SGCD: variants seen among roughly 807,000 people sequenced by gnomAD.
The protein encoded by SGCD is sarcoglycan delta, also known as delta-sarcoglycan.
A neutral mutation model predicts 36.6 loss-of-function variants in SGCD; 18 were observed. The ratio of observed to expected loss-of-function variants is 0.49; its 90% CI spans 0.34 to 0.73. The LOEUF (loss-of-function observed/expected upper bound fraction) is 0.73. SGCD is among the 30% of genes least tolerant of loss of function. The pLI, the probability that SGCD is intolerant of heterozygous loss-of-function variation, is 0.01. For missense variants in SGCD, 387 were observed against 346.7 expected, an observed-to-expected ratio of 1.12 and a Z score of -0.92; for synonymous variants, 133 against 130.6, an observed-to-expected ratio of 1.02 and a Z score of -0.12.
At chr5:156,332,390 G>A (rs1768111198) in intron 2 of SGCD, among the ~76,000 whole-genome samples, 1 of 152,208 alleles carries the variant, frequency 6.6e-6, no homozygotes, top group Admixed American at 6.5e-5. Flanking sequence ...CACAGTGGCT[G>A]GTGGCCTGTG....
chr5:156,717,041 CAT>C (rs1217049671), intron 7 of SGCD, among the ~76,000 whole-genome samples: 5 of 152,212 alleles, frequency 3.3e-5, no homozygotes, highest in African/African-American at 1.2e-4. Flanking sequence ...GATTTCTCCT[CAT>C]GTGTGAAATT....
intron 3 of SGCD, among the ~76,000 whole-genome samples, chr5:156,261,253 T>C (rs903844038): frequency 2.0e-5 from 3 of 152,228 alleles, no homozygotes; most frequent in Admixed American, 6.5e-5. Flanking sequence ...TTAATTCTGA[T>C]TGTATTTGCC....
intron 3 of SGCD, among the ~76,000 whole-genome samples, chr5:156,444,106 CTCTCTCTCT>C (rs1561699354): frequency 3.5e-4 from 38 of 107,096 alleles, no homozygotes; most frequent in African/African-American, 5.7e-4. Context: ...CTCTCTCTCT[CTCTCTCTCT>C]CCCCTTCCCT....
chr5:156,251,776 C>T (rs1276014791), intron 3 of SGCD, among the ~76,000 whole-genome samples: 6 of 152,032 alleles, frequency 3.9e-5, no homozygotes, highest in Non-Finnish European at 8.8e-5. Context: ...GCCCTCCCAA[C>T]GTGCTGGGAT....
chr5:156,520,068 GT>G (rs554323955), intron 4 of SGCD, among the ~76,000 whole-genome samples: 4 of 152,264 alleles, frequency 2.6e-5, no homozygotes, highest in African/African-American at 9.6e-5. Context: ...AAGAGAGGAA[GT>G]CAAACTATCT....
At chr5:156,369,654 A>G (rs1355666391) in intron 3 of SGCD, among the ~76,000 whole-genome samples, 3 of 152,144 alleles carry the variant, frequency 2.0e-5, no homozygotes, top group Admixed American at 6.5e-5. Context: ...GAGGCATTTG[A>G]TAGTAATTAA....
intron 3 of SGCD, among the ~76,000 whole-genome samples, chr5:156,307,758 G>T (rs1767264560): frequency 6.6e-6 from 1 of 151,202 alleles, no homozygotes; most frequent in Admixed American, 6.6e-5. Flanking sequence ...TTTATATCAG[G>T]TTAACTTCAA....
chr5:156,138,025 A>G (rs1335996748), intron 3 of SGCD, among the ~76,000 whole-genome samples: 1 of 152,206 alleles, frequency 6.6e-6, no homozygotes, highest in Non-Finnish European at 1.5e-5. Flanking sequence ...AAGGTACAGC[A>G]TATTTCTCTC....
At chr5:156,735,851 C>T (rs1443176166) in intron 7 of SGCD, among the ~76,000 whole-genome samples, 1 of 152,198 alleles carries the variant, frequency 6.6e-6, no homozygotes, top group Non-Finnish European at 1.5e-5. Flanking sequence ...ACCAGAGTAT[C>T]TAAAGTTCCC....
At position 156,443,172 on chromosome 5, in the gene SGCD, A is replaced by G. The variant is rs754913638; in HGVS notation, c.193-65429A>G. On this transcript the variant is annotated intron_variant, in intron 3 of 8. Coordinates refer to ENST00000337851, the MANE Select transcript of SGCD (RefSeq NM_000337.6). ...GCTAATTTTTGTATTTTCAGTAGAG[A>G]CAGGGTTTCACCGTGTTGGCCAGGC... 3.2e-4 allele frequency among the ~76,000 whole-genome samples: 49 copies of G among 152,168 alleles called. 2 individuals carry two copies. Among genetic ancestry groups the G allele is most frequent in the Admixed American group, 2.6e-4 (4 of 15,282 alleles).
At chr5:155,957,001 G>A (rs765473062) in intron 1 of SGCD, among the ~76,000 whole-genome samples, 2 of 152,064 alleles carry the variant, frequency 1.3e-5, no homozygotes, top group Non-Finnish European at 2.9e-5. Flanking sequence ...GGGCTGCAGT[G>A]TTGCTATCAC....
chr5:156,068,457 A>AT (rs1346320196), intron 1 of SGCD, among the ~76,000 whole-genome samples: 1 of 152,040 alleles, frequency 6.6e-6, no homozygotes, highest in Non-Finnish European at 1.5e-5. Context: ...TGAACTCCTC[A>AT]TTTTTTATGG....
intron 3 of SGCD, among the ~76,000 whole-genome samples, chr5:156,350,924 C>T (rs977939839): frequency 2.0e-5 from 3 of 152,120 alleles, no homozygotes; most frequent in Non-Finnish European, 4.4e-5. Flanking sequence ...GTAAGTAAAA[C>T]GCTGGTGTTT....
chr5:156,558,540 C>T lies in SGCD; in HGVS notation c.295-30691C>T, dbSNP rs970770146. Among the ~76,000 whole-genome samples the T allele has an allele frequency of 5.3e-5, 8 of 152,218 alleles. No homozygotes were observed. In the East Asian group the frequency reaches 1.5e-3, roughly 29 times the overall value. ...TTTTTAAATTCTGTTCTGTGTCAGACACTGACTATACCACTCACCGGGGGT... is the reference window on the plus strand; with the variant it reads ...TTTTTAAATTCTGTTCTGTGTCAGATACTGACTATACCACTCACCGGGGGT... On this transcript the variant is annotated intron_variant, in intron 4 of 8. Transcript: ENST00000337851.
chr5:155,893,431 A>G (rs1487399483), intron 1 of SGCD, among the ~76,000 whole-genome samples: 1 of 152,174 alleles, frequency 6.6e-6, no homozygotes, highest in Admixed American at 6.5e-5. Flanking sequence ...CAACCTTCCA[A>G]ATGTTGAGAA....
chr5:156,180,654 G>T (rs558636254), intron 3 of SGCD, among the ~76,000 whole-genome samples: 1 of 152,244 alleles, frequency 6.6e-6, no homozygotes, highest in Middle Eastern at 3.4e-3. Context: ...GGAGGAAAAG[G>T]CATTCAACAT....
chr5:156,183,845 TATAGTAGCAAGTCAGTGG>T (rs1483142982), intron 3 of SGCD, among the ~76,000 whole-genome samples: 1 of 152,178 alleles, frequency 6.6e-6, no homozygotes, highest in African/African-American at 2.4e-5. Flanking sequence ...CCTCATCTTC[TATAGTAGCAAGTCAGTGG>T]ATGATAGCTA....
At chr5:156,294,820 C>T (rs770664239) in intron 3 of SGCD, among the ~76,000 whole-genome samples, 13 of 152,070 alleles carry the variant, frequency 8.5e-5, no homozygotes, top group Non-Finnish European at 1.6e-4. Context: ...TCTTGTATTC[C>T]AGGAATAAAT....
At chr5:156,488,062 T>C (rs1458761377) in intron 3 of SGCD, among the ~76,000 whole-genome samples, 1 of 122,426 alleles carries the variant, frequency 8.2e-6, no homozygotes, top group Admixed American at 8.7e-5. Flanking sequence ...GTAGACAAAA[T>C]CAAGCAGAAG....
Sources: gnomAD v4.1 joint callset for allele counts (sites outside exome capture counted in the v4.1 genomes callset) on GRCh38, gnomAD v4.1.1 for gene constraint, MANE v1.5 for transcripts, NCBI Gene and HGNC (gene_info 2026-07-23, HGNC 2026-07-21) for gene names.